Variants in MARCHF11 observed in about 807,000 individuals in gnomAD.
MARCHF11 encodes the protein membrane associated ring-CH-type finger 11, also known as E3 ubiquitin-protein ligase MARCHF11.
In MARCHF11, 29 loss-of-function variants were observed where a neutral mutation model predicts 37.3. That is an observed-to-expected ratio of 0.78 (90% CI 0.58 to 1.06). The LOEUF is 1.06. MARCHF11 is among the 50% of genes least tolerant of loss of function. The pLI is 0.00. For missense variants in MARCHF11, 482 were observed against 533.4 expected (o/e 0.90, Z 0.95); for synonymous variants, 233 against 228.0 (o/e 1.02, Z -0.20).
At chr5:16,071,064 TC>T (rs753646194) in intron 3 of MARCHF11, among the ~76,000 whole-genome samples, 8 of 152,226 alleles carry the variant, frequency 5.3e-5, no homozygotes, top group Non-Finnish European at 1.2e-4. Context: ...CAACTTTGGC[TC>T]ATTCTGTTGA....
At chr5:16,110,099 G>A (rs1489344781) in intron 2 of MARCHF11, among the ~76,000 whole-genome samples, 2 of 152,288 alleles carry the variant, frequency 1.3e-5, no homozygotes, top group East Asian at 1.9e-4. Flanking sequence ...GGCAACTATC[G>A]TAACTGCCAC....
intron 2 of MARCHF11, among the ~76,000 whole-genome samples, chr5:16,093,231 G>C (rs538153451): frequency 2.4e-4 from 36 of 152,218 alleles, no homozygotes; most frequent in African/African-American, 8.4e-4. Context: ...CCAAAGGGGA[G>C]TAACAAGGAT....
At chr5:16,100,503 G>T (rs1042357867) in intron 2 of MARCHF11, among the ~76,000 whole-genome samples, 2 of 152,172 alleles carry the variant, frequency 1.3e-5, no homozygotes, top group African/African-American at 4.8e-5. Flanking sequence ...TGAGAATCAC[G>T]ACCAGTAGAG....
intron 2 of MARCHF11, among the ~76,000 whole-genome samples, chr5:16,095,468 G>GGAAA (rs1736851923): frequency 7.5e-6 from 1 of 133,884 alleles, no homozygotes; most frequent in East Asian, 2.6e-4. Context: ...AAGGAGGGAA[G>GGAAA]GAAGGAAGGA....
intron 2 of MARCHF11, among the ~76,000 whole-genome samples, chr5:16,122,069 T>C (rs1364269880): frequency 6.6e-6 from 1 of 152,138 alleles, no homozygotes; most frequent in Non-Finnish European, 1.5e-5. Context: ...TAAAAAGCAG[T>C]AGGGTTGGAT....
At chr5:16,088,805 A>C (rs1252386093) in intron 3 of MARCHF11, among the ~76,000 whole-genome samples, 1 of 152,190 alleles carries the variant, frequency 6.6e-6, no homozygotes, top group African/African-American at 2.4e-5. Context: ...TTGATGAGCC[A>C]AAACACAATG....
At chr5:16,079,866 G>A (rs1380945239) in intron 3 of MARCHF11, among the ~76,000 whole-genome samples, 1 of 152,118 alleles carries the variant, frequency 6.6e-6, no homozygotes, top group Non-Finnish European at 1.5e-5. Flanking sequence ...TCAGGACACA[G>A]GATCCCTCCT....
intron 2 of MARCHF11, among the ~76,000 whole-genome samples, chr5:16,095,109 T>C (rs916317858): frequency 6.6e-6 from 1 of 152,146 alleles, no homozygotes. Context: ...ACCAAGAGCT[T>C]TGGTAACAAT....
intron 2 of MARCHF11, among the ~76,000 whole-genome samples, chr5:16,099,761 C>A (rs1470070453): frequency 6.6e-6 from 1 of 152,176 alleles, no homozygotes. Flanking sequence ...GTGAAAAGAT[C>A]TTTCCTCCAC....
chr5:16,091,826 A>C (rs979210652), intron 2 of MARCHF11, among the ~76,000 whole-genome samples: 2 of 152,232 alleles, frequency 1.3e-5, no homozygotes, highest in Admixed American at 6.5e-5. Context: ...TTTACAGTAC[A>C]AATGATCAAA....
intron 2 of MARCHF11, among the ~76,000 whole-genome samples, chr5:16,108,272 C>G (rs1338489075): frequency 6.6e-6 from 1 of 152,166 alleles, no homozygotes; most frequent in Non-Finnish European, 1.5e-5. Flanking sequence ...AAGCACTCAC[C>G]CAGGCTCCAA....
intron 2 of MARCHF11, among the ~76,000 whole-genome samples, chr5:16,168,945 A>G (rs1337360604): frequency 6.6e-6 from 1 of 152,064 alleles, no homozygotes; most frequent in Non-Finnish European, 1.5e-5. Flanking sequence ...TACTAGGGAG[A>G]GAGTTGGGGG....
intron 2 of MARCHF11, among the ~76,000 whole-genome samples, chr5:16,131,031 C>T (rs7727113): frequency 0.029 from 4,490 of 152,236 alleles, 233 homozygotes; most frequent in African/African-American, 0.1. Context: ...TGAAAGCCAG[C>T]AGTACCTTGA....
chr5:16,172,943 G>A (rs1428006634), intron 2 of MARCHF11, among the ~76,000 whole-genome samples: 1 of 152,106 alleles, frequency 6.6e-6, no homozygotes, highest in Non-Finnish European at 1.5e-5. Flanking sequence ...TAAGAACATG[G>A]ATAAAAATCA....
intron 2 of MARCHF11, among the ~76,000 whole-genome samples, chr5:16,177,349 T>G (rs184387991): frequency 4.3e-3 from 650 of 152,328 alleles, no homozygotes; most frequent in Non-Finnish European, 6.9e-3. Context: ...ATGGAGCCCA[T>G]TAGAGCTTAA....
Position 16,179,499 on chromosome 5 carries a change from G to A in MARCHF11, c.77C>T (p.Pro26Leu), listed in dbSNP as rs1293789508. 28 of 1,164,388 alleles carry A rather than the reference G, an allele frequency of 2.4e-5. No homozygotes were observed. Among genetic ancestry groups the A allele is most frequent in the East Asian group, 3.9e-5 (1 of 25,528 alleles). 72.1% of individuals were successfully genotyped at this position (1,164,388 alleles called of 1,614,324 possible). The change falls in exon 1 of 4, where the codon CCT becomes CTT. Residue 26 changes from proline to leucine, a missense_variant. Physicochemically the swap from Pro to Leu is moderately conservative, Grantham distance 98. Coordinates refer to ENST00000332432, the MANE Select transcript of MARCHF11 (RefSeq NM_001102562.3). ...ESGDAEPPPQPPPPPPPTPPP... is the reference protein window; with the variant it reads ...ESGDAEPPPQLPPPPPPTPPP... ...CGGCGTCGGCGGCGGCGGCGGGGGAGGTTGCGGGGGAGGCTCGGCGTCCCC... is the reference window on the plus strand; with the variant it reads ...CGGCGTCGGCGGCGGCGGCGGGGGAAGTTGCGGGGGAGGCTCGGCGTCCCC...
At chr5:16,124,275 T>C (rs1038403635) in intron 2 of MARCHF11, among the ~76,000 whole-genome samples, 4 of 152,072 alleles carry the variant, frequency 2.6e-5, no homozygotes, top group Non-Finnish European at 1.5e-5. Flanking sequence ...CCAAGAATTA[T>C]CTATGTAAAG....
chr5:16,165,355 T>A (rs1259236737), intron 2 of MARCHF11, among the ~76,000 whole-genome samples: 1 of 152,194 alleles, frequency 6.6e-6, no homozygotes, highest in African/African-American at 2.4e-5. Context: ...ATTGTTAATA[T>A]CTTACATTGC....
chr5:16,091,982 C>G (rs1736797113), intron 2 of MARCHF11, among the ~76,000 whole-genome samples: 1 of 152,184 alleles, frequency 6.6e-6, no homozygotes, highest in Non-Finnish European at 1.5e-5. Flanking sequence ...ATTTACTCAT[C>G]CTGTGTGGAA....
Sources: gnomAD v4.1 joint callset for allele counts (sites outside exome capture counted in the v4.1 genomes callset) on GRCh38, gnomAD v4.1.1 for gene constraint, MANE v1.5 for transcripts, NCBI Gene and HGNC (gene_info 2026-07-23, HGNC 2026-07-21) for gene names.